The following ALK variants were observed in gnomAD, a reference collection of about 807,000 sequenced individuals.
ALK encodes ALK receptor tyrosine kinase.
In ALK, 74 loss-of-function variants were observed where a neutral mutation model predicts 163.1. That is an observed-to-expected ratio of 0.45 (90% confidence interval 0.38 to 0.55). ALK has a LOEUF of 0.55. ALK is among the 20% of genes least tolerant of loss of function. The pLI, the probability that ALK is intolerant of heterozygous loss-of-function variation, is 0.00. For synonymous variants in ALK, 960 were observed against 843.2 expected (o/e 1.14, Z -2.40); for missense variants, 2,063 against 2,105.3 (o/e 0.98, Z 0.39).
chr2:29,250,969 C>T (rs1180308446), intron 12 of ALK, 136 bp downstream of exon 12: 1 of 791,566 alleles, frequency 1.3e-6, no homozygotes, highest in Non-Finnish European at 2.0e-6. Context: ...AACCTTTATA[C>T]CCCCTATGGG....
chr2:29,424,594 G>C (rs78054872), intron 4 of ALK, among the ~76,000 whole-genome samples: 12,856 of 152,280 alleles, frequency 0.084, 736 homozygotes, highest in Non-Finnish European at 0.13. Flanking sequence ...CAAAAGGAGT[G>C]AGAGTAGCAG....
intron 4 of ALK, among the ~76,000 whole-genome samples, chr2:29,412,957 G>C (rs1378889045): frequency 1.3e-5 from 2 of 152,180 alleles, no homozygotes; most frequent in Non-Finnish European, 2.9e-5. Context: ...TCCTTTAATA[G>C]CTTCCATCAC....
intron 1 of ALK, among the ~76,000 whole-genome samples, chr2:29,844,605 C>T (rs960334285): frequency 1.3e-5 from 2 of 152,114 alleles, no homozygotes; most frequent in Admixed American, 6.5e-5. Context: ...AGTTCACAAT[C>T]TTCTGAAGGT....
At chr2:29,707,378 G>A (rs920186343) in intron 2 of ALK, among the ~76,000 whole-genome samples, 1 of 152,066 alleles carries the variant, frequency 6.6e-6, no homozygotes, top group Non-Finnish European at 1.5e-5. Flanking sequence ...TCAGGGAAGG[G>A]TCCCAGTCCA....
intron 4 of ALK, among the ~76,000 whole-genome samples, chr2:29,478,528 C>CT (rs1671583087): frequency 6.6e-6 from 1 of 152,204 alleles, no homozygotes. Context: ...TCCATGACTC[C>CT]CTTACCCTGT....
At chr2:29,241,796 G>C (rs999026441) in intron 12 of ALK, among the ~76,000 whole-genome samples, 4 of 152,064 alleles carry the variant, frequency 2.6e-5, no homozygotes, top group Non-Finnish European at 4.4e-5. Flanking sequence ...AGCCATAAAC[G>C]GCAAATGTTA....
intron 5 of ALK, among the ~76,000 whole-genome samples, chr2:29,369,095 A>T (rs538020179): frequency 3.2e-4 from 48 of 152,294 alleles, no homozygotes; most frequent in African/African-American, 1.1e-3. Context: ...CTTAGCTCCA[A>T]TGTAACTTCT....
intron 4 of ALK, among the ~76,000 whole-genome samples, chr2:29,505,115 A>G (rs1367036950): frequency 6.6e-6 from 1 of 152,096 alleles, no homozygotes; most frequent in Non-Finnish European, 1.5e-5. Context: ...GACCAGGGTG[A>G]GGGAGGCAAG....
chr2:29,786,057 C>T (rs150990560), intron 1 of ALK, among the ~76,000 whole-genome samples: 7 of 152,206 alleles, frequency 4.6e-5, no homozygotes, highest in East Asian at 3.9e-4. Context: ...TTTCCATTTT[C>T]GCCTTCACTC....
chr2:29,858,757 G>T (rs1490555184), intron 1 of ALK, among the ~76,000 whole-genome samples: 3 of 147,964 alleles, frequency 2.0e-5, no homozygotes, highest in Non-Finnish European at 4.5e-5. Flanking sequence ...ACAAAAACAA[G>T]GTCAGGTGCT....
chr2:29,863,079 G>A (rs936501039), intron 1 of ALK, among the ~76,000 whole-genome samples: 3 of 152,128 alleles, frequency 2.0e-5, no homozygotes, highest in Non-Finnish European at 4.4e-5. Context: ...AGAATAAATT[G>A]GATCTTTATC....
At chr2:29,403,885 T>G (rs1324012590) in intron 4 of ALK, among the ~76,000 whole-genome samples, 2 of 152,010 alleles carry the variant, frequency 1.3e-5, no homozygotes, top group African/African-American at 4.8e-5. Context: ...GCACCCCAAC[T>G]TGAGCAACAG....
At chr2:29,229,192 TCTTCAGTGGGGCCTGGGGG>T (rs1243058989) in intron 15 of ALK, 126 bp from the exon 16 acceptor site, 2 of 812,698 alleles carry the variant, frequency 2.5e-6, no homozygotes, top group East Asian at 2.7e-5. Context: ...CCGGGGCCCA[TCTTCAGTGGGGCCTGGGGG>T]CTTCAGATCC....
At chr2:29,702,885 A>G (rs182123691) in intron 2 of ALK, among the ~76,000 whole-genome samples, 1 of 152,214 alleles carries the variant, frequency 6.6e-6, no homozygotes, top group East Asian at 1.9e-4. Flanking sequence ...CATGACATGT[A>G]GGGATTATGG....
chr2:29,563,963 C>T (rs1211934944), intron 3 of ALK, among the ~76,000 whole-genome samples: 3 of 152,202 alleles, frequency 2.0e-5, no homozygotes, highest in Non-Finnish European at 4.4e-5. Context: ...ACCTCCTAAC[C>T]TCAGCCGCCT....
chr2:29,292,803 A>G (rs1469739952), intron 9 of ALK, among the ~76,000 whole-genome samples: 1 of 152,154 alleles, frequency 6.6e-6, no homozygotes, highest in Non-Finnish European at 1.5e-5. Flanking sequence ...ATCGCTTTAC[A>G]TGTTTGTAAG....
At chr2:29,238,217 G>A (rs1421699460) in intron 13 of ALK, among the ~76,000 whole-genome samples, 4 of 152,068 alleles carry the variant, frequency 2.6e-5, no homozygotes, top group African/African-American at 7.2e-5. Flanking sequence ...ATCTTTTTGC[G>A]ACAGAGTTTT....
chr2:29,759,551 T>G (rs6740225), intron 1 of ALK, among the ~76,000 whole-genome samples: 5,841 of 152,308 alleles, frequency 0.038, 375 homozygotes, highest in African/African-American at 0.13. Flanking sequence ...TGACATGCTT[T>G]CTGGGAAATT....
chr2:29,523,962 A>G (rs888920710), intron 4 of ALK, among the ~76,000 whole-genome samples: 3 of 146,618 alleles, frequency 2.0e-5, no homozygotes, highest in African/African-American at 7.7e-5. Context: ...TTTGTACTTC[A>G]TGACAACCTT....
Sources: gnomAD v4.1 joint callset for allele counts (sites outside exome capture counted in the v4.1 genomes callset) on GRCh38, gnomAD v4.1.1 for gene constraint, MANE v1.5 for transcripts, NCBI Gene and HGNC (gene_info 2026-07-23, HGNC 2026-07-21) for gene names.